The following ANKIB1 variants were observed in gnomAD, a reference collection of about 807,000 sequenced individuals.
ANKIB1 encodes ankyrin repeat and IBR domain-containing protein 1.
ANKIB1 carries 43 observed loss-of-function variants against 122.1 expected under a neutral mutation model. The observed-to-expected ratio is 0.35, with a 90% CI of 0.28 to 0.45. The LOEUF is 0.45. ANKIB1 is among the 20% of genes least tolerant of loss of function. The pLI is 1.00. For synonymous variants in ANKIB1, 390 were observed against 442.0 expected (o/e 0.88, Z 1.48); for missense variants, 992 against 1,329.5 (o/e 0.75, Z 3.95).
At chr7:92,341,301 C>A (rs1489064764) in intron 5 of ANKIB1, among the ~76,000 whole-genome samples, 2 of 148,548 alleles carry the variant, frequency 1.3e-5, no homozygotes, top group Admixed American at 6.7e-5. Context: ...CAAAGCGAGA[C>A]CCTGTCTCAA....
rs185830631 is a variant in ANKIB1 at position 92,305,708 on chromosome 7, G to A, written c.189-1651G>A. Among the ~76,000 whole-genome samples the A allele has an allele frequency of 3.4e-4, 51 of 152,142 alleles. 1 individual carries two copies. The highest frequency in any genetic ancestry group is 9.6e-4 in the African/African-American group (40 of 41,496). On this transcript the variant is annotated intron_variant, in intron 2 of 19. Transcript: ENST00000265742. Reference sequence around the variant, plus strand: ...TGAGCAAGTATTGAAGTGTACTGCCGGCATCAGAAGACCATAAAGGCTACA... The same window carrying A: ...TGAGCAAGTATTGAAGTGTACTGCCAGCATCAGAAGACCATAAAGGCTACA...
At chr7:92,288,564 G>A (rs1056562901) in intron 1 of ANKIB1, among the ~76,000 whole-genome samples, 1 of 152,176 alleles carries the variant, frequency 6.6e-6, no homozygotes, top group Non-Finnish European at 1.5e-5. Context: ...ACTATTGGAT[G>A]TCTATATGCA....
intron 14 of ANKIB1, among the ~76,000 whole-genome samples, chr7:92,388,700 A>G (rs1804721772): frequency 6.6e-6 from 1 of 152,234 alleles, no homozygotes; most frequent in African/African-American, 2.4e-5. Context: ...AATAGCTCAC[A>G]TATGAAAAGT....
In ANKIB1 at chr7:92,401,347, GT is replaced by G. The variant is rs1367732105; in HGVS notation, c.*2399del. 2.0e-5 allele frequency: 3 copies of G among 152,168 alleles called. No individual in the cohort carries two copies. The highest frequency in any genetic ancestry group is 1.3e-4 in the Admixed American group (2 of 15,276). The allele number at this position is 152,168 out of a possible 1,614,324, so 9.4% of individuals were successfully genotyped here. The stretch of plus-strand genomic sequence containing the variant: ...GCCAAATGAATGCTGTTAATAATAT[GT>G]AAAATTCTTTGATTAAACATTTATT... On this transcript the variant is annotated 3_prime_UTR_variant, in exon 20 of 20. Transcript: ENST00000265742.
At chr7:92,259,399 C>T (rs1801514570) in intron 1 of ANKIB1, among the ~76,000 whole-genome samples, 1 of 152,148 alleles carries the variant, frequency 6.6e-6, no homozygotes. Context: ...TTTCTGTATA[C>T]TTCTGTCTCC....
chr7:92,325,180 A>AAT (rs1803002215), intron 4 of ANKIB1, among the ~76,000 whole-genome samples: 1 of 152,226 alleles, frequency 6.6e-6, no homozygotes, highest in Non-Finnish European at 1.5e-5. Context: ...AAAAGTGGGC[A>AAT]ATATGCTGCT....
At chr7:92,355,879 A>G (rs28663619) in intron 9 of ANKIB1, among the ~76,000 whole-genome samples, 2 of 147,802 alleles carry the variant, frequency 1.4e-5, no homozygotes, top group African/African-American at 2.5e-5. Context: ...AATAATAATA[A>G]TAATAATAGT....
chr7:92,381,972 T>C (rs541502574), intron 11 of ANKIB1, among the ~76,000 whole-genome samples: 7 of 152,118 alleles, frequency 4.6e-5, no homozygotes, highest in South Asian at 4.2e-4. Flanking sequence ...TCAAGACTTA[T>C]CAATGTGCTG....
At chr7:92,377,524 G>A (rs1804410338) in intron 11 of ANKIB1, among the ~76,000 whole-genome samples, 1 of 152,072 alleles carries the variant, frequency 6.6e-6, no homozygotes, top group Admixed American at 6.5e-5. Context: ...ATGACCAGTA[G>A]ACCTTCTTCA....
chr7:92,338,500 T>G (rs1803343329), intron 5 of ANKIB1, among the ~76,000 whole-genome samples: 1 of 152,138 alleles, frequency 6.6e-6, no homozygotes, highest in African/African-American at 2.4e-5. Flanking sequence ...TATATAATTG[T>G]TTTTAATAAT....
At chr7:92,312,005 G>C (rs1219318852) in intron 3 of ANKIB1, among the ~76,000 whole-genome samples, 1 of 152,038 alleles carries the variant, frequency 6.6e-6, no homozygotes, top group Non-Finnish European at 1.5e-5. Context: ...CTTGACTCTA[G>C]ATTCTATTAA....
intron 9 of ANKIB1, among the ~76,000 whole-genome samples, chr7:92,360,224 C>T (rs558632055): frequency 6.8e-4 from 103 of 152,208 alleles, no homozygotes; most frequent in Middle Eastern, 3.4e-3. Context: ...GCAGTAACTC[C>T]CCATCCTCTC....
intron 1 of ANKIB1, among the ~76,000 whole-genome samples, chr7:92,282,229 C>T (rs1240515931): frequency 6.6e-6 from 1 of 152,020 alleles, no homozygotes; most frequent in African/African-American, 2.4e-5. Flanking sequence ...TCTCGGTGCA[C>T]CACACCCTCC....
chr7:92,318,243 C>T (rs1276060601), intron 3 of ANKIB1, among the ~76,000 whole-genome samples: 4 of 152,058 alleles, frequency 2.6e-5, no homozygotes, highest in South Asian at 2.1e-4. Flanking sequence ...TGGCTGGGCG[C>T]GGTGGCTCAC....
At chr7:92,393,173 A>G (rs1034273820) in intron 17 of ANKIB1, among the ~76,000 whole-genome samples, 1 of 152,214 alleles carries the variant, frequency 6.6e-6, no homozygotes, top group African/African-American at 2.4e-5. Flanking sequence ...TTATCCAGGC[A>G]TGACTGTGGC....
intron 2 of ANKIB1, among the ~76,000 whole-genome samples, chr7:92,301,359 T>G (rs566261751): frequency 6.9e-6 from 1 of 145,782 alleles, no homozygotes; most frequent in African/African-American, 2.7e-5. Flanking sequence ...TCACTTACCT[T>G]TTTTTTTTTG....
At chr7:92,361,210 C>T (rs1016023787) in intron 9 of ANKIB1, among the ~76,000 whole-genome samples, 2 of 151,980 alleles carry the variant, frequency 1.3e-5, no homozygotes, top group South Asian at 4.2e-4. Context: ...GCTTTAGGCT[C>T]GTTTTAGTGT....
At chr7:92,264,486 C>G (rs1050001646) in intron 1 of ANKIB1, among the ~76,000 whole-genome samples, 1 of 152,094 alleles carries the variant, frequency 6.6e-6, no homozygotes, top group African/African-American at 2.4e-5. Flanking sequence ...CAACCTCCGC[C>G]TCCCAGCTTT....
At chr7:92,271,127 T>C (rs1801781920) in intron 1 of ANKIB1, among the ~76,000 whole-genome samples, 2 of 152,178 alleles carry the variant, frequency 1.3e-5, no homozygotes, top group Non-Finnish European at 2.9e-5. Context: ...TTTAGTTAAT[T>C]TTTGTATAAG....
Sources: gnomAD v4.1 joint callset for allele counts (sites outside exome capture counted in the v4.1 genomes callset) on GRCh38, gnomAD v4.1.1 for gene constraint, MANE v1.5 for transcripts, NCBI Gene and HGNC (gene_info 2026-07-23, HGNC 2026-07-21) for gene names.